DOP1B: variants seen among roughly 807,000 people sequenced by gnomAD.
The protein encoded by DOP1B is protein DOP1B.
Under a neutral mutation model 233.5 loss-of-function variants are expected in DOP1B, and 174 were observed. That is an observed-to-expected ratio of 0.75 (90% confidence interval 0.66 to 0.85). The LOEUF (loss-of-function observed/expected upper bound fraction) is 0.85. Among genes scored for constraint, DOP1B ranks in the 40% least tolerant of loss-of-function variants. DOP1B has a pLI of 0.00. For synonymous variants in DOP1B, 1,190 were observed against 1,185.6 expected, an observed-to-expected ratio of 1.00 and a Z score of -0.08; for missense variants, 2,652 against 2,846.6, an observed-to-expected ratio of 0.93 and a Z score of 1.56.
At chr21:36,220,870 G>A (rs541452628) in intron 10 of DOP1B, among the ~76,000 whole-genome samples, 145 of 151,900 alleles carry the variant, frequency 9.5e-4, no homozygotes, top group Admixed American at 3.2e-3. Flanking sequence ...GAGCACAGTG[G>A]CACCATCAAT....
At chr21:36,207,597 C>T (rs1417237435) in intron 4 of DOP1B, among the ~76,000 whole-genome samples, 1 of 149,254 alleles carries the variant, frequency 6.7e-6, no homozygotes, top group Non-Finnish European at 1.5e-5. Context: ...TGAGCACGGG[C>T]GTGCACAGAT....
At chr21:36,291,081 G>A (rs1473940759) in intron 35 of DOP1B, among the ~76,000 whole-genome samples, 3 of 151,736 alleles carry the variant, frequency 2.0e-5, no homozygotes, top group African/African-American at 7.3e-5. Context: ...GGCCAACATG[G>A]TGAAACCCTG....
In DOP1B at chr21:36,260,663, A is replaced by G. The variant is rs753023486; in HGVS notation, c.5260-14A>G. The G allele has an allele frequency of 1.2e-6, 2 of 1,613,444 alleles. No individual in the cohort carries two copies. Among genetic ancestry groups the G allele is most frequent in the Non-Finnish European group, 1.7e-6 (2 of 1,179,880 alleles). On this transcript the variant is annotated splice_polypyrimidine_tract_variant and intron_variant, in intron 23 of 36. Coordinates refer to ENST00000691173, the MANE Select transcript of DOP1B (RefSeq NM_001320714.2). ...CCACCAACTCGGAGTAATTGGTTTTACTTTCATTTTCAGAAATCGCCCCTA... is the reference window on the plus strand; with the variant it reads ...CCACCAACTCGGAGTAATTGGTTTTGCTTTCATTTTCAGAAATCGCCCCTA...
chr21:36,253,438 C>T (rs58490930), intron 22 of DOP1B, among the ~76,000 whole-genome samples: 14,816 of 152,134 alleles, frequency 0.097, 1,004 homozygotes, highest in East Asian at 0.27. Flanking sequence ...AGGCCGGGCG[C>T]GGTGGCGGCT....
At position 36,278,346 on chromosome 21, in the gene DOP1B, C is replaced by G; in HGVS notation, c.5960C>G (p.Ser1987Cys). The G allele has an allele frequency of 6.2e-7, 1 of 1,612,314 alleles. No homozygotes were observed. The highest frequency in any genetic ancestry group is 1.3e-5 in the African/African-American group (1 of 75,000). The change falls in exon 30 of 37, where the codon TCC becomes TGC. Residue 1987 changes from serine to cysteine, a missense_variant. Coordinates refer to ENST00000691173, the MANE Select transcript of DOP1B (RefSeq NM_001320714.2). ...CCCGCTTTCTTTCAGATGGATACTT[C>G]CTGTGTTCAGTAAGATATGCTGTCC... The part of the protein sequence containing the change: ...LDPAFFQMDT[S>C]CVHWKSIIDH...
intron 27 of DOP1B, among the ~76,000 whole-genome samples, chr21:36,272,507 A>G (rs1022099534): frequency 6.6e-6 from 1 of 151,818 alleles, no homozygotes; most frequent in Admixed American, 6.6e-5. Flanking sequence ...AAAATTAGCC[A>G]GGTATGGTGG....
At chr21:36,266,712 C>T (rs1366045524) in intron 26 of DOP1B, among the ~76,000 whole-genome samples, 2 of 152,190 alleles carry the variant, frequency 1.3e-5, no homozygotes, top group African/African-American at 4.8e-5. Flanking sequence ...TAACCTTTAG[C>T]CCCTCTCCCC....
intron 30 of DOP1B, among the ~76,000 whole-genome samples, chr21:36,279,453 C>T (rs979602907): frequency 1.3e-5 from 2 of 152,000 alleles, no homozygotes; most frequent in African/African-American, 4.8e-5. Context: ...GAAAGAAAGC[C>T]ACTCCTTTAT....
At chr21:36,200,169 AAC>A (rs1306191057) in intron 3 of DOP1B, among the ~76,000 whole-genome samples, 160 bp from the exon 4 acceptor site, 1 of 152,182 alleles carries the variant, frequency 6.6e-6, no homozygotes, top group Non-Finnish European at 1.5e-5. Context: ...CTTGTTACGT[AAC>A]AGTGTTTTGT....
chr21:36,185,512 T>C (rs2123440864), intron 2 of DOP1B, among the ~76,000 whole-genome samples: 2 of 152,318 alleles, frequency 1.3e-5, no homozygotes, highest in Middle Eastern at 6.8e-3. Context: ...CCACTCAGCC[T>C]CTTCTACTGA....
chr21:36,159,177 C>T (rs372220807), intron 1 of DOP1B, among the ~76,000 whole-genome samples: 152 of 147,096 alleles, frequency 1.0e-3, no homozygotes, highest in African/African-American at 3.7e-3. Flanking sequence ...AGAGACTGGG[C>T]GCAGTGGCTT....
intron 2 of DOP1B, among the ~76,000 whole-genome samples, chr21:36,185,037 C>G (rs549816249): frequency 6.6e-6 from 1 of 152,096 alleles, no homozygotes; most frequent in Non-Finnish European, 1.5e-5. Context: ...GACTGTGTCC[C>G]GAAGGCGTTC....
intron 15 of DOP1B, among the ~76,000 whole-genome samples, chr21:36,236,233 C>T (rs1220718343): frequency 6.6e-6 from 1 of 152,252 alleles, no homozygotes; most frequent in African/African-American, 2.4e-5. Context: ...CTCCCTGCCA[C>T]TTGGCAAGGG....
intron 12 of DOP1B, among the ~76,000 whole-genome samples, chr21:36,227,479 T>A (rs7280549): frequency 0.014 from 2,061 of 147,918 alleles, 60 homozygotes; most frequent in African/African-American, 0.049. Context: ...CCCGGGAGGC[T>A]GAGCTTGCAG....
At chr21:36,166,798 T>G (rs2065915306) in intron 2 of DOP1B, among the ~76,000 whole-genome samples, 1 of 152,140 alleles carries the variant, frequency 6.6e-6, no homozygotes, top group Non-Finnish European at 1.5e-5. Context: ...AGCCTGACCC[T>G]CCAGCCCTGA....
chr21:36,196,226 A>T (rs996994126), intron 2 of DOP1B, among the ~76,000 whole-genome samples: 2 of 152,246 alleles, frequency 1.3e-5, no homozygotes, highest in African/African-American at 4.8e-5. Context: ...GACAAAAATA[A>T]TGGTACAGGT....
At chr21:36,235,634 G>A (rs1392755207) in intron 15 of DOP1B, among the ~76,000 whole-genome samples, 1 of 151,986 alleles carries the variant, frequency 6.6e-6, no homozygotes, top group Non-Finnish European at 1.5e-5. Flanking sequence ...AGGCTGAGGT[G>A]GGAGGATCAC....
chr21:36,224,880 G>C (rs1339517304), intron 11 of DOP1B, among the ~76,000 whole-genome samples: 6 of 151,988 alleles, frequency 3.9e-5, no homozygotes, highest in African/African-American at 1.4e-4. Flanking sequence ...AGTAGTCCCA[G>C]GCCACTCCTA....
rs1272938712 is a variant in DOP1B at position 36,270,058 on chromosome 21, T to C, written c.5533T>C (p.Ser1845Pro). ...ILEAVGNIAG[S>P]SLEQTSWLSR... ...AGAAGCTGTGGGGAACATTGCCGGC[T>C]CTTCCTTGGAGCAAACCAGCTGGCT... The change falls in exon 27 of 37, where the codon TCT becomes CCT. Residue 1845 changes from serine (S) to proline (P), a missense_variant. Around this residue, in one of 3 missense-constraint regions of DOP1B, gnomAD observed 2,617 missense variants for 2,794.3 expected, o/e 0.94. Coordinates refer to ENST00000691173, the MANE Select transcript of DOP1B (RefSeq NM_001320714.2). 1 of 1,613,980 alleles carries C rather than the reference T, an allele frequency of 6.2e-7. No individual in the cohort carries two copies. Among genetic ancestry groups the C allele is most frequent in the African/African-American group, 1.3e-5 (1 of 74,900 alleles).
Sources: allele counts gnomAD v4.1 joint callset (sites outside exome capture counted in the v4.1 genomes callset), GRCh38; gene constraint gnomAD v4.1.1; regional missense constraint gnomAD v4.1.1; transcripts MANE v1.5; gene names NCBI Gene and HGNC (gene_info 2026-07-23, HGNC 2026-07-21).